ZMAT4: variants seen among roughly 807,000 people sequenced by gnomAD.
ZMAT4 encodes the protein zinc finger matrin-type protein 4.
In ZMAT4, 17 loss-of-function variants were observed where a neutral mutation model predicts 28.7. The ratio of observed to expected loss-of-function variants is 0.59; its 90% confidence interval spans 0.41 to 0.89. ZMAT4 has a LOEUF of 0.89. ZMAT4 is among the 40% of genes least tolerant of loss of function. The probability of loss-of-function intolerance (pLI) is 0.00; values close to 1 mark genes in which losing one functional copy is unlikely to be tolerated. For synonymous variants in ZMAT4, 117 were observed against 109.2 expected (o/e 1.07, Z -0.44); for missense variants, 240 against 283.8 (o/e 0.85, Z 1.11).
intron 5 of ZMAT4, among the ~76,000 whole-genome samples, chr8:40,668,704 G>A (rs1808546206): frequency 6.6e-6 from 1 of 151,848 alleles, no homozygotes; most frequent in Admixed American, 6.6e-5. Flanking sequence ...TATCTATAAA[G>A]CTGCTACCCA....
chr8:40,725,638 A>G (rs187731675), intron 3 of ZMAT4, among the ~76,000 whole-genome samples: 7 of 152,248 alleles, frequency 4.6e-5, no homozygotes, highest in African/African-American at 1.4e-4. Context: ...TGTACACTAA[A>G]TATCTCCTTT....
intron 3 of ZMAT4, among the ~76,000 whole-genome samples, chr8:40,708,026 C>A (rs1369888552): frequency 6.6e-6 from 1 of 151,980 alleles, no homozygotes; most frequent in Admixed American, 6.6e-5. Context: ...ACTAGAAAGG[C>A]AAATAAAAAA....
chr8:40,710,403 G>GTA (rs1810556279), intron 3 of ZMAT4, among the ~76,000 whole-genome samples: 2 of 152,116 alleles, frequency 1.3e-5, no homozygotes, highest in African/African-American at 4.8e-5. Flanking sequence ...GTGAGCAGAT[G>GTA]GCATACAGGC....
intron 6 of ZMAT4, among the ~76,000 whole-genome samples, chr8:40,538,889 G>A (rs979157063): frequency 7.9e-5 from 12 of 152,016 alleles, no homozygotes; most frequent in East Asian, 5.8e-4. Flanking sequence ...GGGTTCGAGC[G>A]ATTCTCCTGC....
chr8:40,811,062 G>A (rs1236111438), intron 2 of ZMAT4, among the ~76,000 whole-genome samples: 1 of 152,184 alleles, frequency 6.6e-6, no homozygotes, highest in Non-Finnish European at 1.5e-5. Context: ...GAACCCTCAT[G>A]TACAATTGGT....
chr8:40,820,728 T>A (rs1369488009), intron 2 of ZMAT4, among the ~76,000 whole-genome samples: 47 of 516 alleles, frequency 0.091, no homozygotes, highest in African/African-American at 0.23. Context: ...CGTGTGTATG[T>A]CTGTGTATGT....
intron 5 of ZMAT4, among the ~76,000 whole-genome samples, chr8:40,601,468 G>GGAAAGAAAGAAAGAAAGAAAGAAA (rs71224836): frequency 0.015 from 295 of 19,944 alleles, 16 homozygotes; most frequent in Non-Finnish European, 0.02. Context: ...GAGGAAGAAA[G>GGAAAGAAAGAAAGAAAGAAAGAAA]GAAAGAAAGA....
intron 5 of ZMAT4, among the ~76,000 whole-genome samples, chr8:40,663,534 G>A (rs1344879316): frequency 2.0e-5 from 3 of 152,080 alleles, no homozygotes; most frequent in Non-Finnish European, 4.4e-5. Context: ...GACAAAATAA[G>A]AGAACCAAAA....
chr8:40,761,173 C>A (rs1404702613), intron 3 of ZMAT4, among the ~76,000 whole-genome samples: 1 of 152,026 alleles, frequency 6.6e-6, no homozygotes, highest in Admixed American at 6.6e-5. Flanking sequence ...TCTATCTTGG[C>A]CAAATGTGTG....
chr8:40,594,238 G>T (rs1805007577), intron 5 of ZMAT4, among the ~76,000 whole-genome samples: 1 of 152,146 alleles, frequency 6.6e-6, no homozygotes, highest in Admixed American at 6.5e-5. Context: ...TATCTCAGTG[G>T]CCTTATCTAT....
At chr8:40,599,558 C>T (rs1259663546) in intron 5 of ZMAT4, among the ~76,000 whole-genome samples, 1 of 152,186 alleles carries the variant, frequency 6.6e-6, no homozygotes, top group Non-Finnish European at 1.5e-5. Flanking sequence ...TTCTCCTCCC[C>T]TTGGTAAAAA....
chr8:40,562,454 A>G (rs1803777577), intron 6 of ZMAT4, among the ~76,000 whole-genome samples: 1 of 146,362 alleles, frequency 6.8e-6, no homozygotes, highest in South Asian at 2.3e-4. Context: ...ATGAAATTCC[A>G]CCTGCTACTT....
chr8:40,759,344 A>G (rs912676143), intron 3 of ZMAT4, among the ~76,000 whole-genome samples: 1 of 151,716 alleles, frequency 6.6e-6, no homozygotes, highest in Admixed American at 6.6e-5. Flanking sequence ...AAATTCCTAT[A>G]TTGAAGACCT....
At chr8:40,574,561 G>A (rs1479217228) in intron 6 of ZMAT4, among the ~76,000 whole-genome samples, 1 of 152,070 alleles carries the variant, frequency 6.6e-6, no homozygotes, top group African/African-American at 2.4e-5. Context: ...CACAAAAAAA[G>A]AACCAAAATA....
At chr8:40,792,687 AGGAG>A (rs1814410802) in intron 2 of ZMAT4, among the ~76,000 whole-genome samples, 1 of 7,252 alleles carries the variant, frequency 1.4e-4, no homozygotes, top group Non-Finnish European at 2.3e-4. Context: ...GGGAGGGGAG[AGGAG>A]GAGAGGGGAG....
intron 5 of ZMAT4, among the ~76,000 whole-genome samples, chr8:40,598,038 T>G (rs1805159824): frequency 7.5e-6 from 1 of 132,770 alleles, no homozygotes; most frequent in Non-Finnish European, 1.7e-5. Flanking sequence ...AAAGACTATG[T>G]GCATTTTTAA....
At chr8:40,665,392 G>A (rs1808368835) in intron 5 of ZMAT4, among the ~76,000 whole-genome samples, 2 of 152,138 alleles carry the variant, frequency 1.3e-5, no homozygotes, top group South Asian at 2.1e-4. Context: ...CACACAGAGA[G>A]GCAGCAGCTG....
chr8:40,726,628 A>G (rs1309534678), intron 3 of ZMAT4, among the ~76,000 whole-genome samples: 1 of 152,156 alleles, frequency 6.6e-6, no homozygotes, highest in Non-Finnish European at 1.5e-5. Context: ...CACACAACCC[A>G]AACCATAGTC....
intron 1 of ZMAT4, among the ~76,000 whole-genome samples, chr8:40,842,020 T>C (rs894133296): frequency 6.6e-6 from 1 of 152,172 alleles, no homozygotes; most frequent in Non-Finnish European, 1.5e-5. Flanking sequence ...GATTAGAAAA[T>C]GATGCCTCTG....
Sources: allele counts gnomAD v4.1 joint callset (sites outside exome capture counted in the v4.1 genomes callset), GRCh38; gene constraint gnomAD v4.1.1; transcripts MANE v1.5; gene names NCBI Gene and HGNC (gene_info 2026-07-23, HGNC 2026-07-21).